The following MYO16 variants were observed in gnomAD, a reference collection of about 807,000 sequenced individuals.
MYO16 encodes the protein unconventional myosin-XVI.
Under a neutral mutation model 205.3 loss-of-function variants are expected in MYO16, and 94 were observed. That is an observed-to-expected ratio of 0.46 (90% CI 0.39 to 0.54). MYO16 has a LOEUF of 0.54. Ranked by LOEUF, MYO16 falls within the 20% of genes least tolerant of loss-of-function variation. The pLI is 0.00. For missense variants in MYO16, 2,315 were observed against 2,387.5 expected (o/e 0.97, Z 0.63); for synonymous variants, 988 against 954.0 (o/e 1.04, Z -0.66).
At chr13:108,945,919 A>G (rs1882921350) in intron 16 of MYO16, among the ~76,000 whole-genome samples, 1 of 152,196 alleles carries the variant, frequency 6.6e-6, no homozygotes, top group Non-Finnish European at 1.5e-5. Context: ...GTTTCTAATT[A>G]ACATGTCAGA....
rs1264952393 is a variant in MYO16 at position 109,109,185 on chromosome 13, A to G, written c.3438+8298A>G. 1.3e-5 allele frequency among the ~76,000 whole-genome samples: 2 copies of G among 152,022 alleles called. 1 individual carries two copies. The highest frequency in any genetic ancestry group is 4.8e-5 in the African/African-American group (2 of 41,304). Reference sequence around the variant, plus strand: ...CCAACTCCATATCTTCTATGTCAATATAAATTTCCCCAACTTCAAGATTAT... The same window carrying G: ...CCAACTCCATATCTTCTATGTCAATGTAAATTTCCCCAACTTCAAGATTAT... On this transcript the variant is annotated intron_variant, in intron 28 of 34. Transcript: ENST00000457511.
intron 32 of MYO16, 29 bp from the exon 33 acceptor site, chr13:109,164,872 A>G: frequency 7.0e-7 from 1 of 1,428,010 alleles, no homozygotes; most frequent in Non-Finnish European, 9.5e-7. Flanking sequence ...TTATCAGAAA[A>G]TAATTATGTT....
chr13:108,885,566 T>G (rs1879829742), intron 13 of MYO16, among the ~76,000 whole-genome samples: 1 of 152,222 alleles, frequency 6.6e-6, no homozygotes, highest in Non-Finnish European at 1.5e-5. Flanking sequence ...AAAAGTTGCT[T>G]AGAAAAAACA....
At chr13:109,158,091 T>A (rs1878163704) in intron 32 of MYO16, among the ~76,000 whole-genome samples, 1 of 152,144 alleles carries the variant, frequency 6.6e-6, no homozygotes, top group South Asian at 2.1e-4. Flanking sequence ...GGTCCACCCC[T>A]CTTCCTTTCT....
At chr13:109,034,243 A>G (rs984148306) in intron 23 of MYO16, among the ~76,000 whole-genome samples, 1 of 152,212 alleles carries the variant, frequency 6.6e-6, no homozygotes, top group African/African-American at 2.4e-5. Context: ...TCCAAATTTT[A>G]CAAATGTATA....
At chr13:108,646,192 T>C (rs1880748447) in intron 1 of MYO16, among the ~76,000 whole-genome samples, 1 of 152,164 alleles carries the variant, frequency 6.6e-6, no homozygotes, top group African/African-American at 2.4e-5. Flanking sequence ...TTTGATTTTC[T>C]TTTTTTCCCT....
intron 2 of MYO16, among the ~76,000 whole-genome samples, chr13:108,690,213 G>A (rs2139491627): frequency 6.6e-6 from 1 of 152,086 alleles, no homozygotes; most frequent in South Asian, 2.1e-4. Flanking sequence ...TTTGGGAGCT[G>A]CAACCATCAA....
At chr13:109,041,438 G>A (rs1413012981) in intron 23 of MYO16, among the ~76,000 whole-genome samples, 2 of 152,152 alleles carry the variant, frequency 1.3e-5, no homozygotes, top group African/African-American at 4.8e-5. Context: ...TTATAAAGAA[G>A]AATGAAGTGG....
At chr13:108,630,327 T>C (rs1318430764) in intron 1 of MYO16, among the ~76,000 whole-genome samples, 1 of 152,238 alleles carries the variant, frequency 6.6e-6, no homozygotes, top group Non-Finnish European at 1.5e-5. Flanking sequence ...GTAAGTGTGA[T>C]CTTTAGGGTT....
At position 108,666,131 on chromosome 13, in the gene MYO16, C is replaced by A. The variant is rs1881718484; in HGVS notation, c.274C>A (p.His92Asn). The A allele has an allele frequency of 6.2e-7, 1 of 1,605,928 alleles. No individual in the cohort carries two copies. Reference protein sequence around the residue: ...LTDMLQDAIIHHNDKEVLRLL... With the variant: ...LTDMLQDAIINHNDKEVLRLL... Reference sequence around the variant, plus strand: ...GGACATGCTACAGGACGCGATTATCCACCACAATGACAAAGAAGGTACATG... The same window carrying A: ...GGACATGCTACAGGACGCGATTATCAACCACAATGACAAAGAAGGTACATG... Residue 92 changes from histidine (H) to asparagine (N), a missense_variant, in exon 2 of 35, where the codon CAC becomes AAC. His to Asn is a moderately conservative substitution (Grantham distance 68, BLOSUM62 1). Coordinates refer to ENST00000457511, the MANE Select transcript of MYO16 (RefSeq NM_001198950.3).
At chr13:108,680,100 C>T (rs1327468511) in intron 2 of MYO16, among the ~76,000 whole-genome samples, 2 of 152,158 alleles carry the variant, frequency 1.3e-5, no homozygotes, top group African/African-American at 2.4e-5. Context: ...CCAGTTTGGT[C>T]CCACAGTGCC....
At chr13:109,205,840 T>A (rs919589777) in intron 34 of MYO16, among the ~76,000 whole-genome samples, 1 of 152,226 alleles carries the variant, frequency 6.6e-6, no homozygotes, top group African/African-American at 2.4e-5. Context: ...AGGCCCATAA[T>A]GTTCCCATCT....
intron 16 of MYO16, among the ~76,000 whole-genome samples, chr13:108,925,281 A>T (rs1216971270): frequency 6.6e-6 from 1 of 152,124 alleles, no homozygotes; most frequent in Non-Finnish European, 1.5e-5. Context: ...CAATGGGGCA[A>T]TTGGGGCGAG....
chr13:109,092,311 A>G (rs114781970), intron 27 of MYO16, among the ~76,000 whole-genome samples: 140 of 152,298 alleles, frequency 9.2e-4, no homozygotes, highest in African/African-American at 3.3e-3. Context: ...ATTAAAATTC[A>G]CTATGTTTTA....
chr13:108,733,729 G>C (rs1884598846), intron 4 of MYO16, among the ~76,000 whole-genome samples: 1 of 152,196 alleles, frequency 6.6e-6, no homozygotes, highest in African/African-American at 2.4e-5. Flanking sequence ...TTGGGAGGCC[G>C]AGGTGGGCAG....
At chr13:108,509,756 C>T in the MYO16 span, among the ~76,000 whole-genome samples, 1 of 152,098 alleles carries the variant, frequency 6.6e-6, no homozygotes, top group African/African-American at 2.4e-5. Flanking sequence ...ATGTAAAAAA[C>T]CTGCACATTA....
intron 14 of MYO16, among the ~76,000 whole-genome samples, chr13:108,896,985 G>A (rs1429222313): frequency 1.3e-5 from 2 of 151,592 alleles, no homozygotes; most frequent in Non-Finnish European, 2.9e-5. Context: ...GACAGAGTGA[G>A]ACTCTGTCTC....
chr13:109,201,416 A>G (rs1479663130), intron 34 of MYO16: 1 of 143,190 alleles, frequency 7.0e-6, no homozygotes, highest in Non-Finnish European at 1.5e-5. Context: ...ATAGTTACCC[A>G]TGGGTTTACT....
At chr13:108,989,994 T>G (rs1322737182) in intron 20 of MYO16, among the ~76,000 whole-genome samples, 1 of 152,144 alleles carries the variant, frequency 6.6e-6, no homozygotes, top group Admixed American at 6.6e-5. Flanking sequence ...GTATACATGA[T>G]GAAACTCCAG....
Sources: allele counts gnomAD v4.1 joint callset (sites outside exome capture counted in the v4.1 genomes callset), GRCh38; gene constraint gnomAD v4.1.1; transcripts MANE v1.5; gene names NCBI Gene and HGNC (gene_info 2026-07-23, HGNC 2026-07-21).